Variants in YAP1 observed in about 807,000 individuals in gnomAD.
YAP1 encodes transcriptional coactivator YAP1.
In YAP1, 5 loss-of-function variants were observed where a neutral mutation model predicts 56.9. That is an observed-to-expected ratio of 0.09 (90% CI 0.05 to 0.18). The LOEUF (loss-of-function observed/expected upper bound fraction) is 0.18. Ranked by LOEUF, YAP1 falls within the 10% of genes least tolerant of loss-of-function variation. The probability of loss-of-function intolerance (pLI) is 1.00; values close to 1 mark genes in which losing one functional copy is unlikely to be tolerated. For synonymous variants in YAP1, 265 were observed against 248.1 expected (o/e 1.07, Z -0.64); for missense variants, 539 against 651.8 (o/e 0.83, Z 1.88).
chr11:102,143,787 T>G (rs1945161980), intron 2 of YAP1, among the ~76,000 whole-genome samples: 1 of 152,242 alleles, frequency 6.6e-6, no homozygotes, highest in Admixed American at 6.5e-5. Context: ...GATAAAGATT[T>G]CATTTATGCT....
At chr11:102,158,011 A>G (rs530053570) in intron 2 of YAP1, among the ~76,000 whole-genome samples, 1 of 152,280 alleles carries the variant, frequency 6.6e-6, no homozygotes, top group Admixed American at 6.5e-5. Context: ...TTAAATTCCT[A>G]ACGCCTAATT....
chr11:102,167,777 C>G (rs190875760), intron 3 of YAP1, among the ~76,000 whole-genome samples: 246 of 152,266 alleles, frequency 1.6e-3, no homozygotes, highest in Non-Finnish European at 2.2e-3. Flanking sequence ...GTCGTTCATG[C>G]CTATAATCCG....
chr11:102,162,932 G>T (rs891010444), intron 3 of YAP1, among the ~76,000 whole-genome samples: 1 of 151,334 alleles, frequency 6.6e-6, no homozygotes, highest in Non-Finnish European at 1.5e-5. Flanking sequence ...TTGTGGTTTG[G>T]ATGGAAAGCC....
intron 5 of YAP1, among the ~76,000 whole-genome samples, chr11:102,207,593 T>A (rs1343736941): frequency 2.0e-5 from 3 of 152,164 alleles, no homozygotes; most frequent in African/African-American, 7.2e-5. Context: ...GTTTTTTGTT[T>A]TTTGGGTTTT....
At chr11:102,211,751 T>G (rs1949413178) in intron 6 of YAP1, among the ~76,000 whole-genome samples, 1 of 152,184 alleles carries the variant, frequency 6.6e-6, no homozygotes, top group South Asian at 2.1e-4. Context: ...TCACCCAGGC[T>G]GGAGTGCAGT....
chr11:102,114,091 G>A (rs936958845), intron 1 of YAP1, 53 bp from the exon 2 acceptor site: 1 of 1,528,058 alleles, frequency 6.5e-7, no homozygotes, highest in Non-Finnish European at 8.8e-7. Context: ...AATTTAAAGG[G>A]ACTCAGTTGT....
chr11:102,126,249 T>A (rs554268453), intron 2 of YAP1, among the ~76,000 whole-genome samples: 1 of 152,328 alleles, frequency 6.6e-6, no homozygotes, highest in East Asian at 1.9e-4. Flanking sequence ...ACAGTGACTA[T>A]TAGCAATTTT....
intron 2 of YAP1, among the ~76,000 whole-genome samples, chr11:102,141,661 G>T (rs2074437425): frequency 6.6e-6 from 1 of 152,076 alleles, no homozygotes; most frequent in Non-Finnish European, 1.5e-5. Context: ...TGTTGACTTT[G>T]CTTTATCTGT....
intron 4 of YAP1, among the ~76,000 whole-genome samples, chr11:102,205,320 G>A (rs1231049054): frequency 6.6e-6 from 1 of 152,010 alleles, no homozygotes; most frequent in African/African-American, 2.4e-5. Context: ...TATATTAAGG[G>A]CTGATTATTT....
At chr11:102,192,238 G>A (rs1053488459) in intron 4 of YAP1, among the ~76,000 whole-genome samples, 2 of 152,130 alleles carry the variant, frequency 1.3e-5, no homozygotes, top group African/African-American at 4.8e-5. Flanking sequence ...TCTTCTAACT[G>A]TGGTTTCTCT....
intron 6 of YAP1, 96 bp from the exon 7 acceptor site, chr11:102,223,526 C>T: frequency 2.2e-6 from 3 of 1,336,766 alleles, no homozygotes; most frequent in Non-Finnish European, 3.1e-6. Flanking sequence ...TTTAATCTAT[C>T]TGCACGGTTA....
At position 102,222,973 on chromosome 11, in the gene YAP1, G is replaced by A. The variant is rs541170163; in HGVS notation, c.1033-649G>A. On this transcript the variant is annotated intron_variant, in intron 6 of 8. Transcript: ENST00000282441. ...GAATTATTTTTTTAGGGCCGGGCGC[G>A]GTGGCTCACGTCTGTAATCCCAGCA... Among the ~76,000 whole-genome samples the A allele has an allele frequency of 2.1e-3, 315 of 151,882 alleles. 4 individuals carry two copies. The highest frequency in any genetic ancestry group is 7.3e-3 in the African/African-American group (304 of 41,414).
intron 2 of YAP1, among the ~76,000 whole-genome samples, chr11:102,142,675 CT>C (rs1945089596): frequency 6.6e-6 from 1 of 152,174 alleles, no homozygotes; most frequent in Non-Finnish European, 1.5e-5. Context: ...GTATGTGTCA[CT>C]TTCCATAGCT....
chr11:102,164,332 C>T (rs1354720972), intron 3 of YAP1, among the ~76,000 whole-genome samples: 2 of 151,822 alleles, frequency 1.3e-5, no homozygotes, highest in Non-Finnish European at 2.9e-5. Context: ...CATGCCTGGC[C>T]CCTAATTAAA....
At chr11:102,143,108 C>T (rs1945112825) in intron 2 of YAP1, among the ~76,000 whole-genome samples, 1 of 152,200 alleles carries the variant, frequency 6.6e-6, no homozygotes, top group Non-Finnish European at 1.5e-5. Flanking sequence ...GACCCTATGG[C>T]TGCCTCTCTG....
chr11:102,134,346 G>T, intron 2 of YAP1, among the ~76,000 whole-genome samples: 1 of 151,748 alleles, frequency 6.6e-6, no homozygotes. Flanking sequence ...TAAACAACAT[G>T]GAATTATGTG....
chr11:102,174,147 A>G (rs1947087966), intron 3 of YAP1, among the ~76,000 whole-genome samples: 3 of 152,232 alleles, frequency 2.0e-5, no homozygotes, highest in African/African-American at 7.2e-5. Flanking sequence ...ACTTAAATCC[A>G]TAGAAATATC....
chr11:102,213,805 C>T (rs1203938020), intron 6 of YAP1, among the ~76,000 whole-genome samples: 1 of 152,180 alleles, frequency 6.6e-6, no homozygotes, highest in Non-Finnish European at 1.5e-5. Context: ...AGGCAGGGCA[C>T]AGTGGCTCAC....
intron 3 of YAP1, among the ~76,000 whole-genome samples, chr11:102,169,266 A>G (rs1293515413): frequency 2.0e-5 from 3 of 151,774 alleles, no homozygotes; most frequent in Non-Finnish European, 4.4e-5. Flanking sequence ...GATAAAATAA[A>G]TGTGATCTGA....
Sources: allele counts gnomAD v4.1 joint callset (sites outside exome capture counted in the v4.1 genomes callset), GRCh38; gene constraint gnomAD v4.1.1; transcripts MANE v1.5; gene names NCBI Gene and HGNC (gene_info 2026-07-23, HGNC 2026-07-21).